The following FGF12 variants were observed in gnomAD, a reference collection of about 807,000 sequenced individuals.
FGF12 encodes fibroblast growth factor 12.
FGF12 carries 14 observed loss-of-function variants against 23.6 expected under a neutral mutation model. That is an observed-to-expected ratio of 0.59 (90% CI 0.39 to 0.93). FGF12 has a LOEUF of 0.93. Among genes scored for constraint, FGF12 ranks in the 40% least tolerant of loss-of-function variants. FGF12 has a pLI of 0.00. For synonymous variants in FGF12, 62 were observed against 77.3 expected, an observed-to-expected ratio of 0.80 and a Z score of 1.04; for missense variants, 175 against 217.8, an observed-to-expected ratio of 0.80 and a Z score of 1.24.
chr3:192,367,849 T>C (rs899802562), intron 2 of FGF12, among the ~76,000 whole-genome samples: 3 of 152,086 alleles, frequency 2.0e-5, no homozygotes, highest in East Asian at 1.9e-4. Flanking sequence ...GATCTCCCCA[T>C]TGGTCAAATG....
chr3:192,396,852 G>T (rs1300087782), intron 2 of FGF12, among the ~76,000 whole-genome samples: 1 of 152,170 alleles, frequency 6.6e-6, no homozygotes, highest in Non-Finnish European at 1.5e-5. Flanking sequence ...CAGACTGAAT[G>T]TAATTGCTGA....
At position 192,514,965 on chromosome 3, in the gene FGF12, C is replaced by T; in HGVS notation, c.14-154427G>A. 1.5e-6 allele frequency: 1 copy of T among 675,052 alleles called. No individual in the cohort carries two copies. Among genetic ancestry groups the T allele is most frequent in the Non-Finnish European group, 1.8e-6 (1 of 546,492 alleles). 41.8% of individuals were successfully genotyped at this position (675,052 alleles called of 1,614,324 possible). On this transcript the variant is annotated intron_variant, in intron 2 of 5. Transcript: ENST00000445105. This position sits in a 1 kb window ranked among gnomAD's most constrained non-coding sequence, Gnocchi z 4.9. The stretch of plus-strand genomic sequence containing the variant: ...GTGCCGGTCCGCCGGGGGCAGCCCT[C>T]CGAGAGCCCGAGGCGCTGCCACCCC...
intron 4 of FGF12, among the ~76,000 whole-genome samples, chr3:192,271,356 T>C (rs4687307): frequency 0.34 from 51,862 of 152,076 alleles, 9,968 homozygotes; most frequent in East Asian, 0.89. Context: ...CATTGTTGAA[T>C]GCTGTACTGT....
chr3:192,409,361 G>A lies in FGF12; in HGVS notation c.14-48823C>T, dbSNP rs1721104068. On this transcript the variant is annotated intron_variant, in intron 2 of 5. Transcript: ENST00000445105. This position sits in a 1 kb window ranked among gnomAD's most constrained non-coding sequence, Gnocchi z 4.8. Reference sequence around the variant, plus strand: ...AGCTCCCCGCCATGGTCCACCCGGGGCCGCCGCACCGAGCTGGTCTCCGCA... The same window carrying A: ...AGCTCCCCGCCATGGTCCACCCGGGACCGCCGCACCGAGCTGGTCTCCGCA... 6.6e-6 allele frequency among the ~76,000 whole-genome samples: 1 copy of A among 152,206 alleles called. No individual in the cohort carries two copies. The highest frequency in any genetic ancestry group is 1.5e-5 in the Non-Finnish European group (1 of 68,032).
intron 2 of FGF12, among the ~76,000 whole-genome samples, chr3:192,563,195 T>G (rs1712125580): frequency 6.6e-6 from 1 of 152,256 alleles, no homozygotes; most frequent in African/African-American, 2.4e-5. Context: ...AAGTTAGATC[T>G]ATCCAAGATT....
intron 2 of FGF12, among the ~76,000 whole-genome samples, chr3:192,671,170 C>T (rs1717100022): frequency 2.0e-5 from 3 of 152,196 alleles, no homozygotes; most frequent in African/African-American, 7.2e-5. Context: ...TTTTACATAC[C>T]AAGTAAAGGA....
intron 2 of FGF12, among the ~76,000 whole-genome samples, chr3:192,668,574 A>G (rs1032352691): frequency 1.1e-4 from 17 of 152,150 alleles, no homozygotes; most frequent in Admixed American, 1.3e-4. Context: ...TTCTGCTGGT[A>G]CACAGGGTCT....
chr3:192,584,252 G>C (rs1232722226), intron 2 of FGF12, among the ~76,000 whole-genome samples: 1 of 152,068 alleles, frequency 6.6e-6, no homozygotes, highest in African/African-American at 2.4e-5. Flanking sequence ...CTCTATACTT[G>C]CAAGTATGGA....
chr3:192,231,813 G>A (rs9841835), intron 4 of FGF12, among the ~76,000 whole-genome samples: 145,489 of 151,406 alleles, frequency 0.96, 69,958 homozygotes, highest in East Asian at 1. Flanking sequence ...CGTTCAATAG[G>A]AAAAAAAAAC....
chr3:192,694,165 C>T (rs144381963), intron 2 of FGF12, among the ~76,000 whole-genome samples: 29 of 152,134 alleles, frequency 1.9e-4, no homozygotes, highest in African/African-American at 6.7e-4. Flanking sequence ...AACGTCATTA[C>T]GATATGCAAA....
At chr3:192,587,647 C>T (rs1286325457) in intron 2 of FGF12, among the ~76,000 whole-genome samples, 1 of 151,736 alleles carries the variant, frequency 6.6e-6, no homozygotes, top group Non-Finnish European at 1.5e-5. Flanking sequence ...GAGACCCTAT[C>T]ACTGTATTTT....
chr3:192,183,300 C>T (rs1716281670), intron 4 of FGF12, among the ~76,000 whole-genome samples: 1 of 152,074 alleles, frequency 6.6e-6, no homozygotes, highest in South Asian at 2.1e-4. Context: ...GCACATCTCA[C>T]AGGTGTTTTC....
chr3:192,158,385 T>C (rs1714611994), intron 5 of FGF12, among the ~76,000 whole-genome samples: 5 of 115,288 alleles, frequency 4.3e-5, no homozygotes, highest in African/African-American at 2.2e-4. Flanking sequence ...TTTCTTTCTT[T>C]TCTTTCTCTC....
rs1342965667 is a variant in FGF12 at position 192,550,218 on chromosome 3, A to C, written c.13+176963T>G. On this transcript the variant is annotated intron_variant, in intron 2 of 5. Transcript: ENST00000445105. ...GTGAGGTGTATCAGAGACCATACAC[A>C]TATGTGTATATGTACAGATATATAT... Among the ~76,000 whole-genome samples the C allele has an allele frequency of 3.3e-5, 5 of 151,484 alleles. No individual in the cohort carries two copies. The East Asian group carries it at 9.7e-4, about 29-fold the overall frequency.
chr3:192,167,753 ATATATATATATATATAAAATT>A (rs1439971503), intron 5 of FGF12, among the ~76,000 whole-genome samples: 1 of 27,560 alleles, frequency 3.6e-5, no homozygotes, highest in Non-Finnish European at 6.7e-5. Flanking sequence ...ATATATATAT[ATATATATATATATATAAAATT>A]TTTTTTTTTT....
In FGF12 at chr3:192,409,073, A is replaced by AG. The variant is rs1253749727; in HGVS notation, c.14-48536dup. On this transcript the variant is annotated intron_variant, in intron 2 of 5. Coordinates refer to ENST00000445105, the MANE Select transcript of FGF12 (RefSeq NM_004113.6). This position sits in a 1 kb window ranked among gnomAD's most constrained non-coding sequence, Gnocchi z 4.8. ...CTGCAAAGAGAGCGGGAGGCGAGGG[A>AG]GGGGGGAGGGCGCGAGGGAGGGAGG... 3 of 294,668 alleles carry AG rather than the reference A, an allele frequency of 1.0e-5. No individual in the cohort carries two copies. The highest frequency in any genetic ancestry group is 1.7e-4 in the Admixed American group (1 of 6,028). 18.3% of individuals were successfully genotyped at this position (294,668 alleles called of 1,614,324 possible). A position where few individuals can be genotyped will look rare whatever the true frequency, so the allele number is the denominator to read the frequency against.
At chr3:192,398,537 C>A (rs1465463720) in intron 2 of FGF12, among the ~76,000 whole-genome samples, 1 of 152,028 alleles carries the variant, frequency 6.6e-6, no homozygotes, top group African/African-American at 2.4e-5. Flanking sequence ...GCATGCACCA[C>A]CACGCCCGAC....
intron 4 of FGF12, among the ~76,000 whole-genome samples, chr3:192,177,274 A>C (rs562283786): frequency 6.9e-4 from 105 of 152,362 alleles, no homozygotes; most frequent in African/African-American, 2.5e-3. Context: ...AAATTATTTA[A>C]CAGATATGAA....
intron 2 of FGF12, among the ~76,000 whole-genome samples, chr3:192,482,249 ATTAT>A (rs1175038209): frequency 2.6e-4 from 39 of 152,198 alleles, no homozygotes. Context: ...ATATTCATAT[ATTAT>A]TTAAGATTAT....
Sources: gnomAD v4.1 joint callset for allele counts (sites outside exome capture counted in the v4.1 genomes callset) on GRCh38, gnomAD v4.1.1 for gene constraint, Gnocchi (gnomAD v3.1) non-coding constraint, MANE v1.5 for transcripts, NCBI Gene and HGNC (gene_info 2026-07-23, HGNC 2026-07-21) for gene names.